TSPAN5: variants seen among roughly 807,000 people sequenced by gnomAD.
TSPAN5 encodes tetraspanin-5.
TSPAN5 carries 10 observed loss-of-function variants against 37.1 expected under a neutral mutation model. The ratio of observed to expected loss-of-function variants is 0.27; its 90% CI spans 0.17 to 0.46. TSPAN5 has a LOEUF of 0.46. Ranked by LOEUF, TSPAN5 falls within the 20% of genes least tolerant of loss-of-function variation. TSPAN5 has a pLI of 1.00. For synonymous variants in TSPAN5, 110 were observed against 118.9 expected, an observed-to-expected ratio of 0.93 and a Z score of 0.48; for missense variants, 195 against 326.6, an observed-to-expected ratio of 0.60 and a Z score of 3.11.
intron 1 of TSPAN5, among the ~76,000 whole-genome samples, chr4:98,612,736 A>G (rs1239292501): frequency 5.9e-5 from 9 of 152,006 alleles, no homozygotes. Context: ...ACAAGTCCCA[A>G]TCATCTCAGC....
chr4:98,612,046 T>C (rs139153176), intron 1 of TSPAN5, among the ~76,000 whole-genome samples: 42 of 152,342 alleles, frequency 2.8e-4, no homozygotes, highest in African/African-American at 9.4e-4. Context: ...GAACTAATGT[T>C]TCCTAGGAAT....
At chr4:98,561,870 A>G (rs528229193) in intron 1 of TSPAN5, among the ~76,000 whole-genome samples, 21 of 152,324 alleles carry the variant, frequency 1.4e-4, no homozygotes, top group African/African-American at 5.1e-4. Context: ...TGGTAATGCT[A>G]GTGGGGTCAC....
intron 2 of TSPAN5, among the ~76,000 whole-genome samples, chr4:98,496,109 C>T (rs1436815043): frequency 6.6e-6 from 1 of 152,102 alleles, no homozygotes; most frequent in Admixed American, 6.6e-5. Context: ...GAAAGGGTAA[C>T]GAGGAATGAC....
rs934145546 is a variant in TSPAN5, at chr4:98,472,416, G to A, written c.*106C>T. ...GCAGCTCCATTAGGCGAGACTGCAG[G>A]CTGCATCTGTGATTAGGTCCATGCA... On this transcript the variant is annotated 3_prime_UTR_variant, in exon 8 of 8. Transcript: ENST00000305798. 18 of 923,844 alleles carry A rather than the reference G, an allele frequency of 1.9e-5. No individual in the cohort carries two copies. Among genetic ancestry groups the A allele is most frequent in the Non-Finnish European group, 3.0e-5 (18 of 593,176 alleles). 57.2% of individuals were successfully genotyped at this position (923,844 alleles called of 1,614,324 possible). A position where few individuals can be genotyped will look rare whatever the true frequency, so the allele number is the denominator to read the frequency against.
intron 1 of TSPAN5, among the ~76,000 whole-genome samples, chr4:98,537,608 A>G (rs1229763555): frequency 6.6e-6 from 1 of 152,222 alleles, no homozygotes; most frequent in Non-Finnish European, 1.5e-5. Flanking sequence ...GAGCTTAGGT[A>G]ATTCACTGAA....
At chr4:98,478,858 A>G in intron 4 of TSPAN5, 48 bp from the exon 5 acceptor site, 1 of 1,604,040 alleles carries the variant, frequency 6.2e-7, no homozygotes, top group Non-Finnish European at 8.5e-7. Flanking sequence ...GGAGGCAAGC[A>G]GTCACCTACA....
chr4:98,502,112 T>A (rs1578950980), intron 2 of TSPAN5, among the ~76,000 whole-genome samples: 1 of 151,638 alleles, frequency 6.6e-6, no homozygotes, highest in Non-Finnish European at 1.5e-5. Flanking sequence ...AGTAGAAGAG[T>A]GGAGTTGTTT....
intron 1 of TSPAN5, among the ~76,000 whole-genome samples, chr4:98,601,911 A>T (rs1420561245): frequency 6.6e-6 from 1 of 152,174 alleles, no homozygotes; most frequent in Non-Finnish European, 1.5e-5. Flanking sequence ...CATCAGCCTA[A>T]TTTCAATATT....
chr4:98,521,801 T>C (rs1239120434), intron 1 of TSPAN5, among the ~76,000 whole-genome samples: 6 of 152,250 alleles, frequency 3.9e-5, no homozygotes, highest in African/African-American at 1.2e-4. Flanking sequence ...TATGCCTATA[T>C]ATCTGTGTGT....
chr4:98,569,254 A>C (rs1465192657), intron 1 of TSPAN5, among the ~76,000 whole-genome samples: 3 of 152,228 alleles, frequency 2.0e-5, no homozygotes, highest in Non-Finnish European at 4.4e-5. Context: ...AAATAGAAAC[A>C]GTTCTATTCT....
intron 1 of TSPAN5, among the ~76,000 whole-genome samples, chr4:98,583,041 A>G (rs1237972389): frequency 3.3e-5 from 5 of 152,212 alleles, no homozygotes; most frequent in African/African-American, 1.2e-4. Context: ...GTATTTATCC[A>G]TACATCACTC....
chr4:98,481,044 C>T (rs28497963), intron 4 of TSPAN5, among the ~76,000 whole-genome samples: 8,490 of 151,986 alleles, frequency 0.056, 567 homozygotes, highest in African/African-American at 0.17. Context: ...GCTTGCCCTC[C>T]GGTCCTGCCA....
At chr4:98,565,377 C>T (rs1560539638) in intron 1 of TSPAN5, among the ~76,000 whole-genome samples, 1 of 152,082 alleles carries the variant, frequency 6.6e-6, no homozygotes, top group Admixed American at 6.6e-5. Flanking sequence ...TAATATATCT[C>T]CATATTCTTA....
chr4:98,486,690 AG>A, intron 3 of TSPAN5, 47 bp downstream of exon 3: 2 of 1,610,528 alleles, frequency 1.2e-6, no homozygotes, highest in Non-Finnish European at 1.7e-6. Flanking sequence ...TCCTGATGGA[AG>A]GTAAAGTTTT....
intron 1 of TSPAN5, among the ~76,000 whole-genome samples, chr4:98,630,868 A>G (rs1756729352): frequency 6.6e-6 from 1 of 152,222 alleles, no homozygotes; most frequent in Non-Finnish European, 1.5e-5. Context: ...GCTTAGCACA[A>G]ATAGCGAATG....
At chr4:98,507,266 A>G (rs1753499179) in intron 2 of TSPAN5, among the ~76,000 whole-genome samples, 1 of 152,220 alleles carries the variant, frequency 6.6e-6, no homozygotes, top group Admixed American at 6.5e-5. Flanking sequence ...CACTAAAAAA[A>G]ATCGTTTTTA....
intron 1 of TSPAN5, among the ~76,000 whole-genome samples, chr4:98,575,824 C>A (rs949279276): frequency 4.7e-5 from 7 of 150,272 alleles, no homozygotes; most frequent in East Asian, 3.9e-4. Context: ...GTAATCCCAG[C>A]ACTTTGGGAG....
chr4:98,482,374 C>A lies in TSPAN5; in HGVS notation c.280-199G>T, dbSNP rs143482701. On this transcript the variant is annotated intron_variant, in intron 3 of 7. Coordinates refer to ENST00000305798, the MANE Select transcript of TSPAN5 (RefSeq NM_005723.4). ...GGACTTTTAAAAATCATTTTATAAT[C>A]ACATTTTAGGGTCTCTAGTGTTCCA... 2,020 of 486,628 alleles carry A rather than the reference C, an allele frequency of 4.2e-3. 10 individuals are homozygous for A. Among genetic ancestry groups the A allele is most frequent in the Non-Finnish European group, 6.0e-3 (1,680 of 280,132 alleles). The allele number at this position is 486,628 out of a possible 1,614,324, so 30.1% of individuals were successfully genotyped here.
At chr4:98,513,198 G>A (rs1425634063) in intron 1 of TSPAN5, among the ~76,000 whole-genome samples, 1 of 152,038 alleles carries the variant, frequency 6.6e-6, no homozygotes, top group Non-Finnish European at 1.5e-5. Flanking sequence ...GGGAAGTGGG[G>A]AAGGTACAGC....
Sources: allele counts gnomAD v4.1 joint callset (sites outside exome capture counted in the v4.1 genomes callset), GRCh38; gene constraint gnomAD v4.1.1; transcripts MANE v1.5; gene names NCBI Gene and HGNC (gene_info 2026-07-23, HGNC 2026-07-21).